The following TEX9 variants were observed in gnomAD, a reference collection of about 807,000 sequenced individuals.
The protein encoded by TEX9 is testis expressed 9.
A neutral mutation model predicts 59.6 loss-of-function variants in TEX9; 74 were observed. The observed-to-expected ratio is 1.24, with a 90% CI of 1.03 to 1.51. TEX9 has a LOEUF of 1.51. TEX9 is among the 40% of genes most tolerant of loss of function. The pLI, the probability that TEX9 is intolerant of heterozygous loss-of-function variation, is 0.00. For synonymous variants in TEX9, 186 were observed against 152.2 expected, an observed-to-expected ratio of 1.22 and a Z score of -1.64; for missense variants, 522 against 447.8, an observed-to-expected ratio of 1.17 and a Z score of -1.49.
downstream of TEX9, among the ~76,000 whole-genome samples, chr15:56,449,752 T>C (rs2050935372): frequency 6.6e-6 from 1 of 152,246 alleles, no homozygotes; most frequent in Admixed American, 6.5e-5. Flanking sequence ...TAGGAACATT[T>C]AGCTATTTCT....
chr15:56,244,599 C>A (rs893612990), intron 1 of TEX9, among the ~76,000 whole-genome samples: 1 of 74,934 alleles, frequency 1.3e-5, no homozygotes, highest in Non-Finnish European at 2.7e-5. Flanking sequence ...CACCCCCTTT[C>A]CAGGAATGCC....
At chr15:56,437,616 G>A (rs2050749643) in intron 12 of TEX9, among the ~76,000 whole-genome samples, 1 of 152,090 alleles carries the variant, frequency 6.6e-6, no homozygotes, top group Admixed American at 6.6e-5. Context: ...TTCTGGCCAG[G>A]GCAGTCAGGC....
chr15:56,322,109 C>T (rs2045916692), intron 1 of TEX9, among the ~76,000 whole-genome samples: 1 of 151,974 alleles, frequency 6.6e-6, no homozygotes, highest in Non-Finnish European at 1.5e-5. Flanking sequence ...ATGTCCACCT[C>T]CGAGGAAGAG....
chr15:56,403,680 C>T (rs1323970087), intron 9 of TEX9, among the ~76,000 whole-genome samples: 2 of 152,198 alleles, frequency 1.3e-5, no homozygotes, highest in Non-Finnish European at 2.9e-5. Context: ...CCAAGACAAT[C>T]CTAAGCCAAA....
chr15:56,352,117 T>C (rs538970013), intron 1 of TEX9, among the ~76,000 whole-genome samples: 1 of 152,238 alleles, frequency 6.6e-6, no homozygotes, highest in Non-Finnish European at 1.5e-5. Context: ...CCCACAACTT[T>C]AACACTTTGT....
intron 10 of TEX9, among the ~76,000 whole-genome samples, chr15:56,415,407 T>C (rs2049625485): frequency 6.6e-6 from 1 of 151,946 alleles, no homozygotes; most frequent in Non-Finnish European, 1.5e-5. Flanking sequence ...TGAGTTGGTC[T>C]TTGTATAAGG....
intron 12 of TEX9, chr15:56,444,516 G>A: frequency 1.9e-6 from 3 of 1,611,820 alleles, no homozygotes; most frequent in Non-Finnish European, 2.5e-6. Flanking sequence ...CTGCTCATAA[G>A]CTTCCTGCTT....
At chr15:56,284,250 G>C (rs1190370289) in intron 1 of TEX9, among the ~76,000 whole-genome samples, 1 of 152,068 alleles carries the variant, frequency 6.6e-6, no homozygotes, top group Non-Finnish European at 1.5e-5. Flanking sequence ...TCCTGCTTCA[G>C]CCTTCCACAG....
At chr15:56,361,783 T>C (rs1352518079), upstream of TEX9, among the ~76,000 whole-genome samples, 1 of 152,084 alleles carries the variant, frequency 6.6e-6, no homozygotes, top group Non-Finnish European at 1.5e-5. Flanking sequence ...GCTACATGAT[T>C]ATAGAGGCAG....
chr15:56,432,621 G>A (rs775477342), intron 12 of TEX9, among the ~76,000 whole-genome samples: 8 of 152,182 alleles, frequency 5.3e-5, no homozygotes, highest in Admixed American at 1.3e-4. Flanking sequence ...ATTTGTATAA[G>A]TATCTATGCA....
At chr15:56,384,741 G>A (rs542820813) in intron 4 of TEX9, among the ~76,000 whole-genome samples, 2 of 152,290 alleles carry the variant, frequency 1.3e-5, no homozygotes, top group Admixed American at 1.3e-4. Flanking sequence ...TTAATATTAT[G>A]TAGTGGCAAT....
chr15:56,456,261 A>G, the TEX9 span: 22 of 747,230 alleles, frequency 2.9e-5, no homozygotes, highest in African/African-American at 3.7e-5. Flanking sequence ...ACTTAAAGCA[A>G]TAAGTATTTC....
At chr15:56,282,984 C>T (rs2718942) in intron 1 of TEX9, among the ~76,000 whole-genome samples, 14,028 of 151,208 alleles carry the variant, frequency 0.093, 1,439 homozygotes, top group East Asian at 0.47. Context: ...TAATATGATC[C>T]AATTTGTGAA....
intron 12 of TEX9, among the ~76,000 whole-genome samples, chr15:56,438,497 G>T (rs1287078200): frequency 6.6e-6 from 1 of 152,056 alleles, no homozygotes; most frequent in African/African-American, 2.4e-5. Context: ...ATTAATTCAG[G>T]ATGGATTAAA....
rs111735267 is a variant in TEX9 at position 56,374,975 on chromosome 15, A to T, written c.183+1471A>T. 1.2e-3 allele frequency among the ~76,000 whole-genome samples: 189 copies of T among 152,256 alleles called. 1 individual carries two copies. The highest frequency in any genetic ancestry group is 2.2e-3 in the Non-Finnish European group (151 of 67,998). ...TAGTGGACACTTTGGTTGCTTCCAG[A>T]TCTTGGCTATTGTGAACAGTGCTGC... On this transcript the variant is annotated intron_variant, in intron 3 of 12. Coordinates refer to ENST00000352903, the Ensembl canonical transcript of TEX9.
At chr15:56,332,879 C>G (rs575850124) in intron 1 of TEX9, among the ~76,000 whole-genome samples, 12 of 152,176 alleles carry the variant, frequency 7.9e-5, no homozygotes, top group African/African-American at 2.9e-4. Flanking sequence ...TCATTAGTGA[C>G]TACCATGAGC....
At chr15:56,313,567 AT>A (rs1405206478) in intron 1 of TEX9, among the ~76,000 whole-genome samples, 1 of 132,202 alleles carries the variant, frequency 7.6e-6, no homozygotes, top group African/African-American at 2.7e-5. Context: ...TTTATTGAGG[AT>A]TTTTGCATCA....
At chr15:56,302,537 A>G (rs2045386499) in intron 1 of TEX9, among the ~76,000 whole-genome samples, 1 of 152,148 alleles carries the variant, frequency 6.6e-6, no homozygotes, top group Non-Finnish European at 1.5e-5. Flanking sequence ...AAAATAAAAC[A>G]AAACAAACCT....
chr15:56,401,517 G>T (rs2048780991), intron 9 of TEX9, among the ~76,000 whole-genome samples: 1 of 152,036 alleles, frequency 6.6e-6, no homozygotes, highest in South Asian at 2.1e-4. Context: ...CCTGCAAAGA[G>T]ACTTAGACTA....
Sources: allele counts gnomAD v4.1 joint callset (sites outside exome capture counted in the v4.1 genomes callset), GRCh38; gene constraint gnomAD v4.1.1; transcripts MANE v1.5; gene names NCBI Gene and HGNC (gene_info 2026-07-23, HGNC 2026-07-21).